Variants in NOA1 observed in about 807,000 individuals in gnomAD.
NOA1 encodes the protein nitric oxide associated 1.
NOA1 carries 35 observed loss-of-function variants against 58.4 expected under a neutral mutation model. The observed-to-expected ratio is 0.60, with a 90% CI of 0.46 to 0.79. NOA1 has a LOEUF of 0.79. NOA1 is among the 30% of genes least tolerant of loss of function. The pLI, the probability that NOA1 is intolerant of heterozygous loss-of-function variation, is 0.00. For synonymous variants in NOA1, 397 were observed against 373.4 expected, an observed-to-expected ratio of 1.06 and a Z score of -0.73; for missense variants, 895 against 894.6, an observed-to-expected ratio of 1.00 and a Z score of -0.01.
Position 56,964,543 on chromosome 4 carries a change from G to C in NOA1, c.1765-17C>G. The C allele has an allele frequency of 6.2e-7, 1 of 1,609,016 alleles. No homozygotes were observed. Among genetic ancestry groups the C allele is most frequent in the Non-Finnish European group, 8.5e-7 (1 of 1,178,456 alleles). ...CATTGGAATCTTCCAATGAAATAAAGATATTTACAAGTTCAAATTAAATTT... is the reference window on the plus strand; with the variant it reads ...CATTGGAATCTTCCAATGAAATAAACATATTTACAAGTTCAAATTAAATTT... On this transcript the variant is annotated splice_polypyrimidine_tract_variant and intron_variant, in intron 5 of 6. Transcript: ENST00000264230.
At chr4:56,968,661 T>A in intron 3 of NOA1, 146 bp from the exon 4 acceptor site, 1 of 634,444 alleles carries the variant, frequency 1.6e-6, no homozygotes, top group Non-Finnish European at 2.7e-6. Context: ...TGCATCAAAT[T>A]TATATAGATT....
chr4:56,973,807 A>G, intron 2 of NOA1, 51 bp downstream of exon 2: 1 of 1,576,528 alleles, frequency 6.3e-7, no homozygotes, highest in Non-Finnish European at 8.6e-7. Flanking sequence ...GTTGCTTAAC[A>G]AAGAATTTTA....
chr4:56,976,175 C>T (rs1043611850), intron 1 of NOA1, among the ~76,000 whole-genome samples: 1 of 152,210 alleles, frequency 6.6e-6, no homozygotes, highest in African/African-American at 2.4e-5. Context: ...TGCTTTGTTC[C>T]CTGGTCTATC....
chr4:56,977,228 T>C lies in NOA1; in HGVS notation c.358A>G (p.Arg120Gly), dbSNP rs1305657470. The C allele has an allele frequency of 3.8e-6, 6 of 1,587,280 alleles. No homozygotes were observed. The highest frequency in any genetic ancestry group is 5.1e-6 in the Non-Finnish European group (6 of 1,168,628). The change falls in exon 1 of 7, where the codon AGG becomes GGG. Residue 120 changes from arginine to glycine, a missense_variant. Transcript: ENST00000264230. ...EERRQQNLRA[R>G]SREHPVVGHP... Reference sequence around the variant, plus strand: ...CCCACGACCGGGTGCTCCCGGGACCTGGCCCGTAGGTTTTGCTGTCGCCGC... The same window carrying C: ...CCCACGACCGGGTGCTCCCGGGACCCGGCCCGTAGGTTTTGCTGTCGCCGC...
At position 56,976,762 on chromosome 4, in the gene NOA1, G is replaced by C. The variant is rs754726323; in HGVS notation, c.824C>G (p.Ala275Gly). The change falls in exon 1 of 7, where the codon GCC (alanine) becomes GGC (glycine). Residue 275 changes from alanine to glycine, a missense_variant. By Grantham distance (60) the Ala-to-Gly change is moderately conservative. Around this residue, in one of 3 missense-constraint regions of NOA1, gnomAD observed 680 missense variants for 656.5 expected, o/e 1.04. Transcript: ENST00000264230. ...GTGGCCAGGGGCCAGCAGGAGCCCGGCGCGGGCACAGTCCTCCCACAGTCG... is the reference window on the plus strand; with the variant it reads ...GTGGCCAGGGGCCAGCAGGAGCCCGCCGCGGGCACAGTCCTCCCACAGTCG... ...RERLWEDCAR[A>G]GLLLAPGHQG... 1.1e-5 allele frequency: 17 copies of C among 1,609,472 alleles called. No homozygotes were observed. In the Admixed American group the frequency reaches 2.8e-4, roughly 27 times the overall value.
intron 3 of NOA1, 79 bp downstream of exon 3, chr4:56,973,069 G>A: frequency 1.6e-6 from 2 of 1,250,066 alleles, no homozygotes. Context: ...TAAATTGGCT[G>A]TATCTGGGCA....
In NOA1 at chr4:56,977,181, C is replaced by A. The variant is rs571403114; in HGVS notation, c.405G>T (p.Pro135=). 8 of 1,562,538 alleles carry A rather than the reference C, an allele frequency of 5.1e-6. No individual in the cohort carries two copies. In the South Asian group the frequency reaches 6.9e-5, roughly 13 times the overall value. Residue 135 remains proline (P), a synonymous_variant, in exon 1 of 7, where the codon CCG becomes CCT. Coordinates refer to ENST00000264230, the MANE Select transcript of NOA1 (RefSeq NM_032313.4). ...AGCCCGAGCAGTTCACGCCGCTGGG[C>A]GGCAATGCCGGGTCCGGGTGCCCCA... ...PVVGHPDPAL[P]PSGVNCSGCG...
chr4:56,973,362 A>G lies in NOA1; in HGVS notation c.1310-9T>C. The G allele has an allele frequency of 6.2e-7, 1 of 1,605,800 alleles. No individual in the cohort carries two copies. Among genetic ancestry groups the G allele is most frequent in the South Asian group, 1.1e-5 (1 of 90,898 alleles). On this transcript the variant is annotated splice_polypyrimidine_tract_variant and intron_variant, in intron 2 of 6. Coordinates refer to ENST00000264230, the MANE Select transcript of NOA1 (RefSeq NM_032313.4). The stretch of plus-strand genomic sequence containing the variant: ...TGTCCTTCCAACTCTTCCTAGAACA[A>G]GTTATAGTAAGGTTATTAGTCACTC...
intron 1 of NOA1, 62 bp downstream of exon 1, chr4:56,976,380 T>C (rs755293481): frequency 7.5e-6 from 11 of 1,469,420 alleles, no homozygotes; most frequent in Non-Finnish European, 1.0e-5. Context: ...ACTCGGTGCC[T>C]CGGCCAGGAC....
intron 4 of NOA1, among the ~76,000 whole-genome samples, chr4:56,967,275 G>A (rs762852448): frequency 6.6e-6 from 1 of 151,784 alleles, no homozygotes; most frequent in Non-Finnish European, 1.5e-5. Flanking sequence ...GACTACTTGC[G>A]GGGCTGGGGT....
In NOA1 at chr4:56,977,419, G is replaced by A. The variant is rs1278413266; in HGVS notation, c.167C>T (p.Pro56Leu). The change falls in exon 1 of 7, where the codon CCC becomes CTC. Residue 56 changes from proline (P) to leucine (L), a missense_variant. Physicochemically the swap from Pro to Leu is moderately conservative, Grantham distance 98 (BLOSUM62 -3). This residue lies in a region of NOA1 where 680 missense variants were observed against 656.5 expected (regional missense o/e 1.04). Coordinates refer to ENST00000264230, the MANE Select transcript of NOA1 (RefSeq NM_032313.4). The stretch of plus-strand genomic sequence containing the variant: ...TTCTCCAAAGCCCTCCGTGTCCACG[G>A]GGTCATAAGGAAGCTCGCGTCCCAG... ...SSLGRELPYD[P>L]VDTEGFGEGG... 3.7e-6 allele frequency: 6 copies of A among 1,614,172 alleles called. No individual in the cohort carries two copies. The highest frequency in any genetic ancestry group is 4.2e-6 in the Non-Finnish European group (5 of 1,180,034).
At chr4:56,969,680 G>C (rs1721781907) in intron 3 of NOA1, among the ~76,000 whole-genome samples, 1 of 152,170 alleles carries the variant, frequency 6.6e-6, no homozygotes, top group African/African-American at 2.4e-5. Flanking sequence ...ATTTGTGTTT[G>C]AAAAGGCACA....
At chr4:56,969,482 G>T (rs1010647309) in intron 3 of NOA1, among the ~76,000 whole-genome samples, 1 of 152,132 alleles carries the variant, frequency 6.6e-6, no homozygotes, top group Non-Finnish European at 1.5e-5. Context: ...TGAGGCAGGA[G>T]AATCACTTGA....
chr4:56,963,393 T>C lies in NOA1; in HGVS notation c.*57A>G. 1 of 1,318,630 alleles carries C rather than the reference T, an allele frequency of 7.6e-7. No homozygotes were observed. Among genetic ancestry groups the C allele is most frequent in the Non-Finnish European group, 1.1e-6 (1 of 918,382 alleles). The allele number at this position is 1,318,630 out of a possible 1,614,324, so 81.7% of individuals were successfully genotyped here. ...TTATGCGTTATATGTTTAATACAAA[T>C]TCAATGTATTTTGTTGTGTTCAATA... is the stretch of plus-strand genomic sequence containing the variant. On this transcript the variant is annotated 3_prime_UTR_variant, in exon 7 of 7. Coordinates refer to ENST00000264230, the MANE Select transcript of NOA1 (RefSeq NM_032313.4).
intron 5 of NOA1, among the ~76,000 whole-genome samples, chr4:56,966,018 C>CTTTT (rs57382498): frequency 6.6e-4 from 58 of 88,548 alleles, no homozygotes; most frequent in Middle Eastern, 8.8e-3. Context: ...AGCAAATTTT[C>CTTTT]TTTTTTTTTT....
At chr4:56,970,731 G>C (rs895046672) in intron 3 of NOA1, among the ~76,000 whole-genome samples, 1 of 151,958 alleles carries the variant, frequency 6.6e-6, no homozygotes, top group African/African-American at 2.4e-5. Flanking sequence ...CAAAGTGCTG[G>C]GACTACAGGT....
chr4:56,977,263 C>T lies in NOA1; in HGVS notation c.323G>A (p.Arg108Gln), dbSNP rs778541679. The T allele has an allele frequency of 1.7e-5, 27 of 1,611,386 alleles. No individual in the cohort carries two copies. In the East Asian group the frequency reaches 5.6e-4, roughly 33 times the overall value. ...GTTTTGCTGTCGCCGCTCCTCCCGC[C>T]GCTGCTGCCTCTGTCGCTCCTCCTC... The part of the protein sequence containing the change: ...QEEEERQRQQ[R>Q]REERRQQNLR... Residue 108 changes from arginine (R) to glutamine (Q), a missense_variant, in exon 1 of 7, where the codon CGG (arginine) becomes CAG (glutamine). Arg to Gln is a conservative substitution (Grantham distance 43, BLOSUM62 1). Coordinates refer to ENST00000264230, the MANE Select transcript of NOA1 (RefSeq NM_032313.4).
chr4:56,975,632 C>T (rs1278313760), intron 1 of NOA1, among the ~76,000 whole-genome samples: 1 of 152,064 alleles, frequency 6.6e-6, no homozygotes, highest in African/African-American at 2.4e-5. Flanking sequence ...AATCCCAGCA[C>T]TTTGGGATGC....
chr4:56,973,214 C>A lies in NOA1; in HGVS notation c.1449G>T (p.Leu483Phe). The change falls in exon 3 of 7, where the codon TTG (leucine) becomes TTT (phenylalanine). Residue 483 changes from leucine to phenylalanine, a missense_variant. Physicochemically the swap from Leu to Phe is conservative, Grantham distance 22. This residue lies in a region of NOA1 where 680 missense variants were observed against 656.5 expected (regional missense o/e 1.04). Transcript: ENST00000264230. ...GGGCATCTTTCACATCTTGTGCAGT[C>A]AATTCTACTTGTTTGGTGGATTTGT... ...GTHKSTKQVE[L>F]TAQDVKDAHW... 6.2e-7 allele frequency: 1 copy of A among 1,614,110 alleles called. No individual in the cohort carries two copies. Among genetic ancestry groups the A allele is most frequent in the Admixed American group, 1.7e-5 (1 of 60,002 alleles).
Sources: gnomAD v4.1 joint callset for allele counts (sites outside exome capture counted in the v4.1 genomes callset) on GRCh38, gnomAD v4.1.1 for gene constraint, gnomAD v4.1.1 regional missense constraint, MANE v1.5 for transcripts, NCBI Gene and HGNC (gene_info 2026-07-23, HGNC 2026-07-21) for gene names.